The following KATNIP variants were observed in gnomAD, a reference collection of about 807,000 sequenced individuals.
KATNIP encodes the protein katanin interacting protein, also known as katanin-interacting protein.
A neutral mutation model predicts 174.0 loss-of-function variants in KATNIP; 126 were observed. That is an observed-to-expected ratio of 0.72 (90% CI 0.63 to 0.84). KATNIP has a LOEUF of 0.84. KATNIP is among the 40% of genes least tolerant of loss of function. The probability of loss-of-function intolerance (pLI) is 0.00; values close to 1 mark genes in which losing one functional copy is unlikely to be tolerated. For missense variants in KATNIP, 1,958 were observed against 2,109.7 expected (o/e 0.93, Z 1.41); for synonymous variants, 810 against 835.7 (o/e 0.97, Z 0.53).
intron 18 of KATNIP, chr16:27,757,368 A>T (rs1333862820): frequency 2.9e-6 from 1 of 340,884 alleles, no homozygotes; most frequent in African/African-American, 2.2e-5. Context: ...CAGCCACCCA[A>T]ACAGTGTGGA....
chr16:27,620,740 G>T (rs1234970012), intron 3 of KATNIP, among the ~76,000 whole-genome samples: 1 of 145,804 alleles, frequency 6.9e-6, no homozygotes, highest in Admixed American at 6.6e-5. Context: ...ACCCGAGAAG[G>T]GGGGATGTAA....
Position 27,698,492 on chromosome 16 carries a change from C to A in KATNIP, c.1105C>A (p.Pro369Thr). ...LSRKAEQPAS[P>T]LQDAEGPPAK... ...CAGAAAGGCCGAGCAGCCAGCCAGC[C>A]CACTGCAGGTGCGCTCCGGGCTGGG... Residue 369 changes from proline to threonine, a missense_variant, in exon 9 of 28, where the codon CCA (proline) becomes ACA (threonine). Pro to Thr is a conservative substitution (Grantham distance 38). Coordinates refer to ENST00000261588, the MANE Select transcript of KATNIP (RefSeq NM_015202.5). 5 of 1,609,258 alleles carry A rather than the reference C, an allele frequency of 3.1e-6. No individual in the cohort carries two copies. The highest frequency in any genetic ancestry group is 4.2e-6 in the Non-Finnish European group (5 of 1,177,770).
chr16:27,711,510 G>C (rs1414056888), intron 13 of KATNIP, among the ~76,000 whole-genome samples: 2 of 152,150 alleles, frequency 1.3e-5, no homozygotes, highest in Non-Finnish European at 2.9e-5. Flanking sequence ...AGATGCCTCG[G>C]CAGTGTCGGT....
At position 27,573,973 on chromosome 16, in the gene KATNIP, C is replaced by T. The variant is rs369085022; in HGVS notation, c.63+17C>T. The stretch of plus-strand genomic sequence containing the variant: ...AAAAAGGAGGTAAATGTGTCCCTGG[C>T]GAGGGCTGATGGGAGGCAACTCTAT... On this transcript the variant is annotated intron_variant, in intron 2 of 27. Transcript: ENST00000261588. 1.1e-5 allele frequency: 18 copies of T among 1,612,440 alleles called. No individual in the cohort carries two copies. The highest frequency in any genetic ancestry group is 2.2e-5 in the East Asian group (1 of 44,872).
chr16:27,751,993 C>A, intron 17 of KATNIP, 69 bp downstream of exon 17: 5 of 1,276,654 alleles, frequency 3.9e-6, no homozygotes, highest in Non-Finnish European at 5.3e-6. Flanking sequence ...CAGAGTAGAG[C>A]AGGGAGAATT....
intron 11 of KATNIP, 80 bp from the exon 12 acceptor site, chr16:27,703,816 G>A: frequency 9.5e-7 from 1 of 1,056,378 alleles, no homozygotes; most frequent in South Asian, 1.3e-5. Flanking sequence ...CTATCCCCGA[G>A]TGCAGCACTT....
chr16:27,749,877 T>A lies in KATNIP; in HGVS notation c.2917T>A (p.Tyr973Asn). Residue 973 changes from tyrosine to asparagine, a missense_variant, in exon 16 of 28, where the codon TAT (tyrosine) becomes AAT (asparagine). Tyr to Asn is a moderately radical substitution (Grantham distance 143, BLOSUM62 -2). Around this residue, in one of 3 missense-constraint regions of KATNIP, gnomAD observed 1,557 missense variants for 1,617.8 expected, o/e 0.96. Transcript: ENST00000261588. ...TGACTTTAAAATCCCCGTCTTGCCT[T>A]ATGGACAGCGCTTGGTCATTGACAT... ...GGDFKIPVLP[Y>N]GQRLVIDIKS... 1 of 1,614,152 alleles carries A rather than the reference T, an allele frequency of 6.2e-7. No individual in the cohort carries two copies. Among genetic ancestry groups the A allele is most frequent in the Non-Finnish European group, 8.5e-7 (1 of 1,180,022 alleles).
intron 4 of KATNIP, among the ~76,000 whole-genome samples, chr16:27,629,934 G>A (rs1668908542): frequency 6.6e-6 from 1 of 152,188 alleles, no homozygotes; most frequent in Admixed American, 6.6e-5. Context: ...GACTGACTGG[G>A]CCCGGGAAGT....
Position 27,586,069 on chromosome 16 carries a change from C to T in KATNIP, c.63+12113C>T, listed in dbSNP as rs527586900. Among the ~76,000 whole-genome samples the T allele has an allele frequency of 4.6e-5, 7 of 152,226 alleles. No homozygotes were observed. The East Asian group carries it at 1.4e-3, about 29-fold the overall frequency. Reference sequence around the variant, plus strand: ...GAGCCGAGATCATGCCAATGCACTCCAGCCTGGGCGATAAGAGGGAGACTC... The same window carrying T: ...GAGCCGAGATCATGCCAATGCACTCTAGCCTGGGCGATAAGAGGGAGACTC... On this transcript the variant is annotated intron_variant, in intron 2 of 27. Transcript: ENST00000261588.
Position 27,769,716 on chromosome 16 carries a change from T to C in KATNIP, c.3976-145T>C. 3.3e-6 allele frequency: 3 copies of C among 905,394 alleles called. No homozygotes were observed. In the South Asian group the frequency reaches 4.6e-5, roughly 14 times the overall value. 56.1% of individuals were successfully genotyped at this position (905,394 alleles called of 1,614,324 possible). A position where few individuals can be genotyped will look rare whatever the true frequency, so the allele number is the denominator to read the frequency against. On this transcript the variant is annotated intron_variant, in intron 20 of 27. Transcript: ENST00000261588. ...TGCCCAGCGCCCACACAGCACCTGA[T>C]ATGGGAAATGGACCTCGGTCAGGTG...
In KATNIP at chr16:27,637,131, A is replaced by G. The variant is rs1363254337; in HGVS notation, c.408+5969A>G. Among the ~76,000 whole-genome samples the G allele has an allele frequency of 6.6e-6, 1 of 152,220 alleles. No individual in the cohort carries two copies. On this transcript the variant is annotated intron_variant, in intron 5 of 27. Coordinates refer to ENST00000261588, the MANE Select transcript of KATNIP (RefSeq NM_015202.5). This position sits in a 1 kb window ranked among gnomAD's most constrained non-coding sequence, Gnocchi z 4.7. Reference sequence around the variant, plus strand: ...GGGTCTGTGTTTGGAGAGAAGCTGAAGCAGTGCCTGGCACAGGAGAAATAG... The same window carrying G: ...GGGTCTGTGTTTGGAGAGAAGCTGAGGCAGTGCCTGGCACAGGAGAAATAG...
chr16:27,655,302 T>C (rs1265726949), intron 6 of KATNIP, among the ~76,000 whole-genome samples: 1 of 148,782 alleles, frequency 6.7e-6, no homozygotes, highest in East Asian at 2.0e-4. Flanking sequence ...GGTGCAATCA[T>C]GGCTCACTGC....
chr16:27,745,038 C>T (rs1039665236), intron 15 of KATNIP, among the ~76,000 whole-genome samples: 14 of 152,032 alleles, frequency 9.2e-5, no homozygotes, highest in African/African-American at 3.4e-4. Context: ...AAAAAGAGAG[C>T]AAGAGAGAAA....
rs573559783 is a variant in KATNIP at position 27,716,336 on chromosome 16, G to T, written c.1606-5222G>T. Among the ~76,000 whole-genome samples the T allele has an allele frequency of 3.3e-5, 5 of 152,314 alleles. No homozygotes were observed. In the East Asian group the frequency reaches 9.6e-4, roughly 29 times the overall value. On this transcript the variant is annotated intron_variant, in intron 13 of 27. Coordinates refer to ENST00000261588, the MANE Select transcript of KATNIP (RefSeq NM_015202.5). ...TGGGGAGAGACTGCTAATGAATGTG[G>T]TTATCTTTTGGAGGGTGGTGAAAAT...
intron 13 of KATNIP, among the ~76,000 whole-genome samples, chr16:27,721,240 G>A (rs1003963161): frequency 4.6e-5 from 7 of 152,090 alleles, no homozygotes; most frequent in Admixed American, 1.3e-4. Flanking sequence ...CTCCCCCAGC[G>A]CTCTCCTCAA....
chr16:27,659,927 G>T lies in KATNIP; in HGVS notation c.540+11192G>T, dbSNP rs890226555. 3.8e-6 allele frequency: 3 copies of T among 787,740 alleles called. No homozygotes were observed. The South Asian group carries it at 1.7e-4, about 45-fold the overall frequency. The allele number at this position is 787,740 out of a possible 1,614,324, so 48.8% of individuals were successfully genotyped here. ...CTTAGAAAACTTTTCTTCTGAGCAT[G>T]CACCCCCAGTTTGGCCTGGTCCCCA... On this transcript the variant is annotated intron_variant, in intron 6 of 27. Transcript: ENST00000261588.
At chr16:27,688,081 T>C (rs2078589729) in intron 8 of KATNIP, among the ~76,000 whole-genome samples, 1 of 152,184 alleles carries the variant, frequency 6.6e-6, no homozygotes, top group Admixed American at 6.5e-5. Flanking sequence ...TTTACACTTC[T>C]CTAGCCCAGT....
In KATNIP at chr16:27,773,769, G is replaced by A. The variant is rs541236733; in HGVS notation, c.4309+560G>A. Among the ~76,000 whole-genome samples, 16 of 152,206 alleles carry A rather than the reference G, an allele frequency of 1.1e-4. 1 individual carries two copies. In the South Asian group the frequency reaches 3.3e-3, roughly 32 times the overall value. ...TGATTATGCATAGTGACAATGGCTG[G>A]ACCTGGTTATCTGTTGCCATTTCTC... On this transcript the variant is annotated intron_variant, in intron 23 of 27. Transcript: ENST00000261588.
At chr16:27,655,522 T>C (rs2077252949) in intron 6 of KATNIP, among the ~76,000 whole-genome samples, 1 of 151,904 alleles carries the variant, frequency 6.6e-6, no homozygotes, top group Admixed American at 6.6e-5. Flanking sequence ...AGTGCTGGGA[T>C]TACAGGCATG....
Sources: gnomAD v4.1 joint callset for allele counts (sites outside exome capture counted in the v4.1 genomes callset) on GRCh38, gnomAD v4.1.1 for gene constraint, gnomAD v4.1.1 regional missense constraint, Gnocchi (gnomAD v3.1) non-coding constraint, MANE v1.5 for transcripts, NCBI Gene and HGNC (gene_info 2026-07-23, HGNC 2026-07-21) for gene names.